The following GLYATL2 variants were observed in gnomAD, a reference collection of about 807,000 sequenced individuals.
GLYATL2 encodes the protein glycine N-acyltransferase-like protein 2.
Under a neutral mutation model 21.4 loss-of-function variants are expected in GLYATL2, and 25 were observed. The observed-to-expected ratio is 1.17, with a 90% CI of 0.85 to 1.63. The LOEUF is 1.63. Among genes scored for constraint, GLYATL2 ranks in the 40% most tolerant of loss-of-function variants. The pLI is 0.00. For synonymous variants in GLYATL2, 114 were observed against 118.2 expected, an observed-to-expected ratio of 0.96 and a Z score of 0.23; for missense variants, 361 against 343.3, an observed-to-expected ratio of 1.05 and a Z score of -0.41.
chr11:58,903,031 G>A (rs1355620439), intron 1 of GLYATL2, among the ~76,000 whole-genome samples: 3 of 152,048 alleles, frequency 2.0e-5, no homozygotes. Flanking sequence ...TCTCTGTGAG[G>A]GTCACTTTTA....
intron 1 of GLYATL2, among the ~76,000 whole-genome samples, chr11:58,895,391 T>G (rs1206390986): frequency 1.7e-5 from 1 of 59,662 alleles, no homozygotes; most frequent in Admixed American, 1.9e-4. Context: ...CTGGCCATCA[T>G]AACAAAATTT....
chr11:58,849,322 T>C (rs1366355494), upstream of GLYATL2, among the ~76,000 whole-genome samples: 1 of 152,144 alleles, frequency 6.6e-6, no homozygotes, highest in African/African-American at 2.4e-5. Flanking sequence ...GTGTATAAAC[T>C]ACTTTTATCC....
At chr11:58,903,114 T>C (rs1590759336) in intron 1 of GLYATL2, among the ~76,000 whole-genome samples, 1 of 152,204 alleles carries the variant, frequency 6.6e-6, no homozygotes, top group East Asian at 1.9e-4. Flanking sequence ...GTGGTTCAGC[T>C]GTTACTCCAA....
chr11:58,859,575 C>T (rs919882066), intron 1 of GLYATL2, among the ~76,000 whole-genome samples: 3 of 152,142 alleles, frequency 2.0e-5, no homozygotes, highest in African/African-American at 4.8e-5. Context: ...GTTGCCTCTT[C>T]TTCCTGTCGA....
intron 1 of GLYATL2, among the ~76,000 whole-genome samples, chr11:58,880,154 G>A (rs141148129): frequency 2.7e-4 from 41 of 152,106 alleles, no homozygotes; most frequent in Non-Finnish European, 2.8e-4. Flanking sequence ...CACCGTGCCC[G>A]GCCAACAGTT....
At chr11:58,879,044 G>A (rs1315875104) in intron 1 of GLYATL2, among the ~76,000 whole-genome samples, 1 of 152,124 alleles carries the variant, frequency 6.6e-6, no homozygotes, top group African/African-American at 2.4e-5. Context: ...ATGGGACATG[G>A]GGAGGTTTTT....
intron 1 of GLYATL2, among the ~76,000 whole-genome samples, chr11:58,884,007 A>T (rs926543525): frequency 3.9e-5 from 6 of 152,222 alleles, no homozygotes; most frequent in African/African-American, 1.4e-4. Flanking sequence ...GCCTTCGACA[A>T]AATTCAACAG....
upstream of GLYATL2, among the ~76,000 whole-genome samples, chr11:58,848,086 C>A (rs1853675396): frequency 1.4e-5 from 2 of 146,334 alleles, no homozygotes; most frequent in Non-Finnish European, 3.0e-5. Context: ...CCCATATCTT[C>A]TCCAAGACTA....
intron 1 of GLYATL2, among the ~76,000 whole-genome samples, chr11:58,878,624 T>C (rs184465431): frequency 3.9e-5 from 6 of 152,340 alleles, no homozygotes; most frequent in Admixed American, 3.9e-4. Flanking sequence ...AATTTGGCTT[T>C]TGAAAATTCA....
At chr11:58,867,773 G>A (rs1854046771) in intron 1 of GLYATL2, among the ~76,000 whole-genome samples, 1 of 148,882 alleles carries the variant, frequency 6.7e-6, no homozygotes. Flanking sequence ...ATAGCCTCAA[G>A]GCCGTGACAC....
At chr11:58,846,188 T>A (rs1853640498), upstream of GLYATL2, among the ~76,000 whole-genome samples, 1 of 152,196 alleles carries the variant, frequency 6.6e-6, no homozygotes, top group Non-Finnish European at 1.5e-5. Context: ...CACATATTTT[T>A]TTTCTATACT....
intron 1 of GLYATL2, among the ~76,000 whole-genome samples, chr11:58,877,474 A>G (rs1472453774): frequency 6.6e-6 from 1 of 152,220 alleles, no homozygotes; most frequent in Non-Finnish European, 1.5e-5. Flanking sequence ...ACCAGGGGGA[A>G]GGTGTGGATA....
chr11:58,904,562 T>C (rs1854812516), upstream of GLYATL2, among the ~76,000 whole-genome samples: 1 of 152,248 alleles, frequency 6.6e-6, no homozygotes, highest in Non-Finnish European at 1.5e-5. Context: ...CCTTGTGCAA[T>C]GATTTACTCT....
chr11:58,901,987 G>A (rs1854748173), intron 1 of GLYATL2, among the ~76,000 whole-genome samples: 1 of 152,182 alleles, frequency 6.6e-6, no homozygotes, highest in Admixed American at 6.5e-5. Context: ...GAGAGAGAGA[G>A]GCTCCTTGGA....
chr11:58,846,036 C>G (rs113556471), upstream of GLYATL2, among the ~76,000 whole-genome samples: 1 of 152,062 alleles, frequency 6.6e-6, no homozygotes. Context: ...TAATTGTAAA[C>G]GATTATTTTG....
intron 1 of GLYATL2, among the ~76,000 whole-genome samples, chr11:58,887,815 G>A (rs1854470480): frequency 6.6e-6 from 1 of 152,094 alleles, no homozygotes; most frequent in South Asian, 2.1e-4. Context: ...TTGTATACAT[G>A]TCTTTACATC....
chr11:58,876,108 A>G (rs980492400), intron 1 of GLYATL2, among the ~76,000 whole-genome samples: 24 of 152,020 alleles, frequency 1.6e-4, no homozygotes, highest in Non-Finnish European at 1.5e-4. Flanking sequence ...TGCATTCATC[A>G]CGTTGTTCTC....
chr11:58,906,819 G>A (rs1025622828), upstream of GLYATL2, among the ~76,000 whole-genome samples: 23 of 152,118 alleles, frequency 1.5e-4, no homozygotes, highest in African/African-American at 5.3e-4. Flanking sequence ...AAGCATTGAG[G>A]TCATTCTGTG....
chr11:58,877,058 G>T (rs1854247483), intron 1 of GLYATL2, among the ~76,000 whole-genome samples: 1 of 152,260 alleles, frequency 6.6e-6, no homozygotes, highest in African/African-American at 2.4e-5. Flanking sequence ...AGCAATGAGT[G>T]AGGCTCGGTA....
Sources: allele counts gnomAD v4.1 joint callset (sites outside exome capture counted in the v4.1 genomes callset), GRCh38; gene constraint gnomAD v4.1.1; transcripts MANE v1.5; gene names NCBI Gene and HGNC (gene_info 2026-07-23, HGNC 2026-07-21).